Variants in IFFO2 observed in about 807,000 individuals in gnomAD.
IFFO2 encodes intermediate filament family orphan 2.
A neutral mutation model predicts 53.5 loss-of-function variants in IFFO2; 19 were observed. The ratio of observed to expected loss-of-function variants is 0.36; its 90% CI spans 0.25 to 0.52. The LOEUF (loss-of-function observed/expected upper bound fraction) is 0.52, where lower values mean the gene tolerates loss of function less well. Ranked by LOEUF, IFFO2 falls within the 20% of genes least tolerant of loss-of-function variation. The pLI is 0.94. For missense variants in IFFO2, 570 were observed against 727.4 expected (o/e 0.78, Z 2.49); for synonymous variants, 303 against 313.6 (o/e 0.97, Z 0.36).
In IFFO2 at chr1:18,907,184, A is replaced by T. The variant is rs1935961626; in HGVS notation, c.*1377T>A. ...AGACCCACTGCAGTAGGCTTAAAAA[A>T]TAATAATAAAGCAAAGCCTGCTCAG... is the stretch of plus-strand genomic sequence containing the variant. On this transcript the variant is annotated 3_prime_UTR_variant, in exon 9 of 9. Transcript: ENST00000455833. 1 of 152,266 alleles carries T rather than the reference A, an allele frequency of 6.6e-6. No individual in the cohort carries two copies. The highest frequency in any genetic ancestry group is 2.1e-4 in the South Asian group (1 of 4,828). 9.4% of individuals were successfully genotyped at this position (152,266 alleles called of 1,614,324 possible). A position where few individuals can be genotyped will look rare whatever the true frequency, so the allele number is the denominator to read the frequency against.
chr1:18,919,809 C>T lies in IFFO2; in HGVS notation c.727-36G>A, dbSNP rs1266098541. ...GGAGATGGGGAGGCTTCAGAGGGGC[C>T]GGGTCCTCTGGGGATAGGAGGGTCT... On this transcript the variant is annotated intron_variant, in intron 2 of 8. Coordinates refer to ENST00000455833, the MANE Select transcript of IFFO2 (RefSeq NM_001136265.2). The surrounding 1 kb of genome is among the most constrained non-coding windows in gnomAD (Gnocchi z 4.9). 7 of 1,456,074 alleles carry T rather than the reference C, an allele frequency of 4.8e-6. No homozygotes were observed. The highest frequency in any genetic ancestry group is 3.9e-5 in the Admixed American group (2 of 50,820). 90.2% of individuals were successfully genotyped at this position (1,456,074 alleles called of 1,614,324 possible). A position where few individuals can be genotyped will look rare whatever the true frequency, so the allele number is the denominator to read the frequency against.
At chr1:18,940,893 C>T (rs145223628) in intron 1 of IFFO2, among the ~76,000 whole-genome samples, 2 of 152,316 alleles carry the variant, frequency 1.3e-5, no homozygotes, top group Admixed American at 6.5e-5. Context: ...CAAGTCCCCC[C>T]CAAAAGCCAT....
chr1:18,947,676 T>C lies in IFFO2; in HGVS notation c.665+7992A>G, dbSNP rs1007117506. Reference sequence around the variant, plus strand: ...CCCCTGCCAGCCCTGCCAGCCCCCATTGAGACCTTCTCCAAAGAGCAGGGG... The same window carrying C: ...CCCCTGCCAGCCCTGCCAGCCCCCACTGAGACCTTCTCCAAAGAGCAGGGG... On this transcript the variant is annotated intron_variant, in intron 1 of 8. Coordinates refer to ENST00000455833, the MANE Select transcript of IFFO2 (RefSeq NM_001136265.2). This position sits in a 1 kb window ranked among gnomAD's most constrained non-coding sequence, Gnocchi z 5.0. 2.0e-5 allele frequency among the ~76,000 whole-genome samples: 3 copies of C among 152,110 alleles called. No homozygotes were observed. Among genetic ancestry groups the C allele is most frequent in the African/African-American group, 7.2e-5 (3 of 41,414 alleles).
Position 18,917,690 on chromosome 1 carries a change from AC to A in IFFO2, c.964-649del, listed in dbSNP as rs1408247881. Among the ~76,000 whole-genome samples the A allele has an allele frequency of 1.3e-5, 2 of 152,136 alleles. No homozygotes were observed. The highest frequency in any genetic ancestry group is 2.9e-5 in the Non-Finnish European group (2 of 68,028). On this transcript the variant is annotated intron_variant, in intron 4 of 8. Coordinates refer to ENST00000455833, the MANE Select transcript of IFFO2 (RefSeq NM_001136265.2). The surrounding 1 kb of genome is among the most constrained non-coding windows in gnomAD (Gnocchi z 5.9). ...TGCCCTGGGCTCAAGCAAAAGCCAA[AC>A]CACAACCCGAAACTCAAGAAGCAGC...
intron 1 of IFFO2, among the ~76,000 whole-genome samples, chr1:18,930,336 G>A (rs985164548): frequency 6.6e-5 from 10 of 152,196 alleles, no homozygotes; most frequent in African/African-American, 2.4e-4. Flanking sequence ...GAGGGGGTCA[G>A]ACTTGAACCC....
chr1:18,926,207 T>C (rs1936295160), intron 1 of IFFO2, among the ~76,000 whole-genome samples: 2 of 152,150 alleles, frequency 1.3e-5, no homozygotes, highest in African/African-American at 4.8e-5. Flanking sequence ...CAGACAGAAC[T>C]CCTTTCCCCC....
rs557200049 is a variant in IFFO2, at chr1:18,924,919, A to G, written c.666-3798T>C. On this transcript the variant is annotated intron_variant, in intron 1 of 8. Transcript: ENST00000455833. ...ATCCCCTCCATCATACTGCACATGC[A>G]CTGGGCTGGAAAGCTACCCTGTCCC... 2.5e-3 allele frequency among the ~76,000 whole-genome samples: 385 copies of G among 152,304 alleles called. 3 individuals carry two copies. The highest frequency in any genetic ancestry group is 8.5e-3 in the African/African-American group (353 of 41,554).
At chr1:18,912,583 C>T (rs890811017) in intron 5 of IFFO2, among the ~76,000 whole-genome samples, 1 of 152,192 alleles carries the variant, frequency 6.6e-6, no homozygotes, top group South Asian at 2.1e-4. Flanking sequence ...CCGAATGTTT[C>T]TGTTTCCTAC....
rs1936166472 is a variant in IFFO2 at position 18,918,352 on chromosome 1, C to T, written c.963+10G>A. 1 of 1,550,220 alleles carries T rather than the reference C, an allele frequency of 6.5e-7. No homozygotes were observed. The highest frequency in any genetic ancestry group is 8.7e-7 in the Non-Finnish European group (1 of 1,145,778). On this transcript the variant is annotated intron_variant, in intron 4 of 8. Transcript: ENST00000455833. This position sits in a 1 kb window ranked among gnomAD's most constrained non-coding sequence, Gnocchi z 5.2. ...GGGGGTTGGCTGGTGAGCAGGGCAGCCCTAGTCACCTGGAAGATCTTGGAC... is the reference window on the plus strand; with the variant it reads ...GGGGGTTGGCTGGTGAGCAGGGCAGTCCTAGTCACCTGGAAGATCTTGGAC...
Position 18,956,310 on chromosome 1 carries a change from C to T in IFFO2, c.23G>A (p.Gly8Glu), listed in dbSNP as rs1368616241. Residue 8 changes from glycine to glutamate, a missense_variant, in exon 1 of 9, where the codon GGG (glycine) becomes GAG (glutamate). Physicochemically the swap from Gly to Glu is moderately conservative, Grantham distance 98. Transcript: ENST00000455833. This position sits in a 1 kb window ranked among gnomAD's most constrained non-coding sequence, Gnocchi z 6.4. ...GCAGCCGAAGGCCAAGGCCATCTCC[C>T]CGAACAGCAGCGAGTTCACCATGCG... is the stretch of plus-strand genomic sequence containing the variant. MVNSLLF[G>E]EMALAFGCPP... 2 of 463,100 alleles carry T rather than the reference C, an allele frequency of 4.3e-6. No homozygotes were observed. Among genetic ancestry groups the T allele is most frequent in the Non-Finnish European group, 6.2e-6 (2 of 323,854 alleles). The allele number at this position is 463,100 out of a possible 1,614,324, so 28.7% of individuals were successfully genotyped here.
At chr1:18,925,505 C>T (rs1936270146) in intron 1 of IFFO2, among the ~76,000 whole-genome samples, 1 of 152,238 alleles carries the variant, frequency 6.6e-6, no homozygotes, top group Non-Finnish European at 1.5e-5. Flanking sequence ...ACCTTCCCCA[C>T]CGCCACCGGG....
intron 5 of IFFO2, 28 bp from the exon 6 acceptor site, chr1:18,912,111 C>A (rs1936049867): frequency 3.9e-6 from 6 of 1,551,240 alleles, no homozygotes; most frequent in Non-Finnish European, 5.2e-6. Flanking sequence ...GAGGGCATGA[C>A]TGAACAGAAG....
rs1295427345 is a variant in IFFO2 at position 18,906,692 on chromosome 1, T to C, written c.*1869A>G. 3.9e-5 allele frequency: 6 copies of C among 152,186 alleles called. No homozygotes were observed. Among genetic ancestry groups the C allele is most frequent in the Non-Finnish European group, 7.3e-5 (5 of 68,034 alleles). The allele number at this position is 152,186 out of a possible 1,614,324, so 9.4% of individuals were successfully genotyped here. A position where few individuals can be genotyped will look rare whatever the true frequency, so the allele number is the denominator to read the frequency against. On this transcript the variant is annotated 3_prime_UTR_variant, in exon 9 of 9. Coordinates refer to ENST00000455833, the MANE Select transcript of IFFO2 (RefSeq NM_001136265.2). ...GGTGAGTGAGGAGAGAGAAGGGCCG[T>C]CTCTCTTCCAAAACCATTGTCCCTC...
rs1936444740 is a variant in IFFO2 at position 18,936,116 on chromosome 1, G to T, written c.666-14995C>A. Among the ~76,000 whole-genome samples, 1 of 152,090 alleles carries T rather than the reference G, an allele frequency of 6.6e-6. No homozygotes were observed. Among genetic ancestry groups the T allele is most frequent in the Admixed American group, 6.6e-5 (1 of 15,258 alleles). On this transcript the variant is annotated intron_variant, in intron 1 of 8. Coordinates refer to ENST00000455833, the MANE Select transcript of IFFO2 (RefSeq NM_001136265.2). The surrounding 1 kb of genome is among the most constrained non-coding windows in gnomAD (Gnocchi z 4.5). ...CATAAATATTCACTGGATTAAAAAGGCCCAGTAAGTGTCATCTCCAGGGCC... is the reference window on the plus strand; with the variant it reads ...CATAAATATTCACTGGATTAAAAAGTCCCAGTAAGTGTCATCTCCAGGGCC...
rs1322462786 is a variant in IFFO2 at position 18,928,541 on chromosome 1, G to C, written c.666-7420C>G. The stretch of plus-strand genomic sequence containing the variant: ...CCCCCAGAACACTGCCACCCACACA[G>C]ACACACAGAGCTGCTTTCAACCAGA... On this transcript the variant is annotated intron_variant, in intron 1 of 8. Coordinates refer to ENST00000455833, the MANE Select transcript of IFFO2 (RefSeq NM_001136265.2). The surrounding 1 kb of genome is among the most constrained non-coding windows in gnomAD (Gnocchi z 4.9). Among the ~76,000 whole-genome samples, 1 of 152,192 alleles carries C rather than the reference G, an allele frequency of 6.6e-6. No homozygotes were observed. The highest frequency in any genetic ancestry group is 6.5e-5 in the Admixed American group (1 of 15,280).
At chr1:18,955,349 GC>G (rs1936710013) in intron 1 of IFFO2, among the ~76,000 whole-genome samples, 1 of 152,188 alleles carries the variant, frequency 6.6e-6, no homozygotes, top group South Asian at 2.1e-4. Flanking sequence ...GGATAAGACT[GC>G]CTTACACAAT....
intron 1 of IFFO2, among the ~76,000 whole-genome samples, chr1:18,938,521 C>G (rs1343917115): frequency 6.6e-6 from 1 of 152,190 alleles, no homozygotes; most frequent in African/African-American, 2.4e-5. Flanking sequence ...GGCCCTCAAC[C>G]GCTACTGACT....
Position 18,936,704 on chromosome 1 carries a change from G to A in IFFO2, c.666-15583C>T, listed in dbSNP as rs1426155405. Among the ~76,000 whole-genome samples the A allele has an allele frequency of 6.6e-6, 1 of 152,164 alleles. No homozygotes were observed. Among genetic ancestry groups the A allele is most frequent in the South Asian group, 2.1e-4 (1 of 4,830 alleles). ...TAATCTCCCGCATACTTACTCACCC[G>A]CAGCCGCCCTGGAGCCAGCTGCCTG... is the stretch of plus-strand genomic sequence containing the variant. On this transcript the variant is annotated intron_variant, in intron 1 of 8. Transcript: ENST00000455833. The surrounding 1 kb of genome is among the most constrained non-coding windows in gnomAD (Gnocchi z 4.5).
intron 1 of IFFO2, among the ~76,000 whole-genome samples, chr1:18,938,922 C>T (rs1936485841): frequency 6.6e-6 from 1 of 152,236 alleles, no homozygotes; most frequent in South Asian, 2.1e-4. Flanking sequence ...CCTGGTTGGC[C>T]CCAGGGGCCG....
Sources: gnomAD v4.1 joint callset for allele counts (sites outside exome capture counted in the v4.1 genomes callset) on GRCh38, gnomAD v4.1.1 for gene constraint, Gnocchi (gnomAD v3.1) non-coding constraint, MANE v1.5 for transcripts, NCBI Gene and HGNC (gene_info 2026-07-23, HGNC 2026-07-21) for gene names.